The following ENOX1 variants were observed in gnomAD, a reference collection of about 807,000 sequenced individuals.
ENOX1 encodes ecto-NOX disulfide-thiol exchanger 1.
In ENOX1, 42 loss-of-function variants were observed where a neutral mutation model predicts 82.5. The ratio of observed to expected loss-of-function variants is 0.51; its 90% CI spans 0.40 to 0.66. The LOEUF (loss-of-function observed/expected upper bound fraction) is 0.66, where lower values mean the gene tolerates loss of function less well. Ranked by LOEUF, ENOX1 falls within the 30% of genes least tolerant of loss-of-function variation. The pLI is 0.00. For missense variants in ENOX1, 608 were observed against 811.6 expected (o/e 0.75, Z 3.05); for synonymous variants, 271 against 282.2 (o/e 0.96, Z 0.40).
At chr13:43,221,983 A>C (rs1285136692) in intron 16 of ENOX1, among the ~76,000 whole-genome samples, 1 of 152,140 alleles carries the variant, frequency 6.6e-6, no homozygotes, top group East Asian at 1.9e-4. Context: ...GTACTTTTTC[A>C]ATATACTTTC....
chr13:43,227,135 T>C (rs2153453865), intron 15 of ENOX1, among the ~76,000 whole-genome samples: 1 of 152,020 alleles, frequency 6.6e-6, no homozygotes, highest in East Asian at 1.9e-4. Flanking sequence ...ATGGGGTGGG[T>C]TGGGGGAGAG....
At chr13:43,683,861 C>A (rs2085922542) in intron 1 of ENOX1, among the ~76,000 whole-genome samples, 1 of 151,998 alleles carries the variant, frequency 6.6e-6, no homozygotes, top group South Asian at 2.1e-4. Context: ...AGACATGGTT[C>A]TGTGTCAGCC....
chr13:43,564,809 GA>G (rs1307543478), intron 2 of ENOX1, among the ~76,000 whole-genome samples: 2 of 152,150 alleles, frequency 1.3e-5, no homozygotes, highest in African/African-American at 4.8e-5. Context: ...TGATGTCCAG[GA>G]TGGAGGGCTT....
At chr13:43,498,922 G>A (rs943451608) in intron 2 of ENOX1, among the ~76,000 whole-genome samples, 5 of 152,054 alleles carry the variant, frequency 3.3e-5, no homozygotes, top group Non-Finnish European at 7.4e-5. Context: ...ATATGGAAGA[G>A]GAAAGTAGTA....
intron 16 of ENOX1, 83 bp downstream of exon 16, chr13:43,223,970 C>G: frequency 9.9e-7 from 1 of 1,013,888 alleles, no homozygotes; most frequent in South Asian, 1.4e-5. Flanking sequence ...AGCCCTAGTT[C>G]AGTTCATGCA....
intron 2 of ENOX1, among the ~76,000 whole-genome samples, chr13:43,638,277 A>C (rs1486455953): frequency 6.6e-5 from 10 of 152,236 alleles, no homozygotes. Flanking sequence ...AGGCCACAGC[A>C]CTGGAAGCCA....
intron 14 of ENOX1, among the ~76,000 whole-genome samples, chr13:43,253,312 A>G (rs1340715457): frequency 6.6e-6 from 1 of 152,014 alleles, no homozygotes; most frequent in Non-Finnish European, 1.5e-5. Flanking sequence ...CTATCTTTGT[A>G]CCTACTTTTT....
At chr13:43,416,658 C>T (rs909953556) in intron 3 of ENOX1, among the ~76,000 whole-genome samples, 5 of 149,636 alleles carry the variant, frequency 3.3e-5, no homozygotes, top group Non-Finnish European at 5.9e-5. Flanking sequence ...CGGGTGGTGG[C>T]GGGGCAGAGG....
chr13:43,628,630 C>A (rs2083072320), intron 2 of ENOX1, among the ~76,000 whole-genome samples: 1 of 152,170 alleles, frequency 6.6e-6, no homozygotes, highest in South Asian at 2.1e-4. Flanking sequence ...TCTTTTCATA[C>A]AATTTGAGGT....
chr13:43,750,778 C>A (rs1566875841), intron 1 of ENOX1, among the ~76,000 whole-genome samples: 1 of 152,282 alleles, frequency 6.6e-6, no homozygotes, highest in East Asian at 1.9e-4. Context: ...GATCAAATTT[C>A]TTTCAGGCCC....
At chr13:43,629,663 A>G (rs1271563667) in intron 2 of ENOX1, among the ~76,000 whole-genome samples, 2 of 152,208 alleles carry the variant, frequency 1.3e-5, no homozygotes, top group Non-Finnish European at 1.5e-5. Flanking sequence ...TTACATTTAC[A>G]TTTCAGTTGA....
Position 43,213,988 on chromosome 13 carries a change from A to T in ENOX1, c.*2T>A. ...TTTCCAGAGATGCTTTGCTCTTCGC[A>T]GTTAGGTAGTTTTAATTCCTTCAAA... On this transcript the variant is annotated 3_prime_UTR_variant, in exon 17 of 17. Transcript: ENST00000690772. 5 of 1,613,304 alleles carry T rather than the reference A, an allele frequency of 3.1e-6. No homozygotes were observed. Among genetic ancestry groups the T allele is most frequent in the Non-Finnish European group, 4.2e-6 (5 of 1,179,596 alleles).
chr13:43,609,976 A>G, intron 2 of ENOX1: 1 of 838,668 alleles, frequency 1.2e-6, no homozygotes, highest in South Asian at 5.5e-5. Context: ...GAGTTGTTTT[A>G]TCAGGAAATA....
intron 14 of ENOX1, among the ~76,000 whole-genome samples, chr13:43,251,010 C>G (rs758890100): frequency 2.6e-5 from 4 of 152,146 alleles, no homozygotes; most frequent in Non-Finnish European, 5.9e-5. Flanking sequence ...TCTCAGGCCC[C>G]AGCTTGGACC....
intron 8 of ENOX1, among the ~76,000 whole-genome samples, chr13:43,349,695 G>A (rs142394030): frequency 7.9e-5 from 12 of 152,300 alleles, no homozygotes; most frequent in African/African-American, 2.6e-4. Context: ...TGATTTGTAC[G>A]CACATGGAGG....
At chr13:43,565,250 T>C (rs2079867435) in intron 2 of ENOX1, among the ~76,000 whole-genome samples, 1 of 152,266 alleles carries the variant, frequency 6.6e-6, no homozygotes, top group Admixed American at 6.5e-5. Flanking sequence ...AAAGACATTA[T>C]GGCTGGAAAG....
At chr13:43,623,393 C>T (rs73184157) in intron 2 of ENOX1, among the ~76,000 whole-genome samples, 7,690 of 152,202 alleles carry the variant, frequency 0.051, 270 homozygotes, top group Non-Finnish European at 0.079. Flanking sequence ...GAATGGCCTG[C>T]TAGGGGACCC....
chr13:43,235,509 G>C (rs2042494507), intron 15 of ENOX1, among the ~76,000 whole-genome samples: 1 of 152,120 alleles, frequency 6.6e-6, no homozygotes, highest in Admixed American at 6.5e-5. Context: ...AAGGCAGGTG[G>C]ATCACCTGAG....
chr13:43,257,129 T>C (rs1337366151), intron 14 of ENOX1, among the ~76,000 whole-genome samples: 3 of 151,944 alleles, frequency 2.0e-5, no homozygotes, highest in Non-Finnish European at 4.4e-5. Context: ...AGTTAGAGAG[T>C]AGACTGGTTG....
Sources: gnomAD v4.1 joint callset for allele counts (sites outside exome capture counted in the v4.1 genomes callset) on GRCh38, gnomAD v4.1.1 for gene constraint, MANE v1.5 for transcripts, NCBI Gene and HGNC (gene_info 2026-07-23, HGNC 2026-07-21) for gene names.